Variants in STAU1 observed in about 807,000 individuals in gnomAD.
The protein encoded by STAU1 is double-stranded RNA-binding protein Staufen homolog 1.
A neutral mutation model predicts 62.9 loss-of-function variants in STAU1; 13 were observed. That is an observed-to-expected ratio of 0.21 (90% CI 0.13 to 0.33). The LOEUF (loss-of-function observed/expected upper bound fraction) is 0.33. Among genes scored for constraint, STAU1 ranks in the 10% least tolerant of loss-of-function variants. The probability of loss-of-function intolerance (pLI) is 1.00; values close to 1 mark genes in which losing one functional copy is unlikely to be tolerated. For synonymous variants in STAU1, 269 were observed against 265.1 expected (o/e 1.01, Z -0.14); for missense variants, 571 against 712.1 (o/e 0.80, Z 2.25).
chr20:49,151,579 C>A lies in STAU1; in HGVS notation c.510+3G>T. ...GTCAGGGAGCCTGGGCTCAACTCCT[C>A]ACCTCCAGCCTCTCTGGCAGGGGCT... On this transcript the variant is annotated splice_donor_region_variant and intron_variant, in intron 5 of 13. Coordinates refer to ENST00000371856, the MANE Select transcript of STAU1 (RefSeq NM_017453.4). The A allele has an allele frequency of 1.3e-6, 2 of 1,591,472 alleles. No homozygotes were observed. The highest frequency in any genetic ancestry group is 1.8e-5 in the Admixed American group (1 of 54,770).
At chr20:49,116,526 A>G (rs556284321) in intron 12 of STAU1, among the ~76,000 whole-genome samples, 82 of 151,832 alleles carry the variant, frequency 5.4e-4, no homozygotes, top group Non-Finnish European at 1.1e-3. Context: ...TTTAGTAGAG[A>G]TGGGGTTTCA....
At chr20:49,189,460 C>T (rs1288454074), upstream of STAU1, among the ~76,000 whole-genome samples, 1 of 150,670 alleles carries the variant, frequency 6.6e-6, no homozygotes, top group Non-Finnish European at 1.5e-5. Context: ...CATGGTGAAA[C>T]CCCGTCTCTA....
chr20:49,159,559 A>G (rs2093418595), intron 3 of STAU1, among the ~76,000 whole-genome samples: 1 of 152,116 alleles, frequency 6.6e-6, no homozygotes, highest in Admixed American at 6.6e-5. Flanking sequence ...TTCTATTTTT[A>G]TTTTAATTAA....
intron 1 of STAU1, among the ~76,000 whole-genome samples, chr20:49,182,691 T>G (rs1320976619): frequency 2.0e-5 from 3 of 151,972 alleles, no homozygotes; most frequent in Non-Finnish European, 4.4e-5. Flanking sequence ...ACAAAAAAAT[T>G]AGCCAGGCAT....
intron 5 of STAU1, among the ~76,000 whole-genome samples, chr20:49,151,161 G>A (rs1026406313): frequency 3.3e-5 from 5 of 152,068 alleles, no homozygotes; most frequent in South Asian, 2.1e-4. Flanking sequence ...GGTAACTGGC[G>A]CTTCTATATA....
intron 6 of STAU1, chr20:49,134,398 T>A (rs1358324827): frequency 2.0e-6 from 1 of 498,728 alleles, no homozygotes; most frequent in African/African-American, 2.2e-5. Flanking sequence ...ACCATTGCAC[T>A]ACAGCCTGGG....
At chr20:49,184,638 T>C (rs1294577754) in intron 1 of STAU1, among the ~76,000 whole-genome samples, 1 of 152,226 alleles carries the variant, frequency 6.6e-6, no homozygotes, top group Non-Finnish European at 1.5e-5. Context: ...GAGCAACTTA[T>C]TCTCAAGAAA....
intron 9 of STAU1, among the ~76,000 whole-genome samples, chr20:49,119,565 G>C (rs1251750618): frequency 6.6e-6 from 1 of 152,154 alleles, no homozygotes; most frequent in Admixed American, 6.5e-5. Flanking sequence ...CTGTCACACT[G>C]TCTTATTTTG....
chr20:49,120,952 G>A (rs1447728883), intron 8 of STAU1, among the ~76,000 whole-genome samples: 1 of 152,012 alleles, frequency 6.6e-6, no homozygotes, highest in African/African-American at 2.4e-5. Flanking sequence ...GTGCCACCAT[G>A]CCTGGCTAAC....
chr20:49,119,529 TA>T (rs1038623015), intron 9 of STAU1, among the ~76,000 whole-genome samples: 1 of 152,176 alleles, frequency 6.6e-6, no homozygotes, highest in Non-Finnish European at 1.5e-5. Flanking sequence ...ATCCCAAACC[TA>T]AACTTTGGAT....
At chr20:49,173,791 C>T (rs2093626578) in intron 2 of STAU1, among the ~76,000 whole-genome samples, 2 of 152,152 alleles carry the variant, frequency 1.3e-5, no homozygotes, top group Non-Finnish European at 2.9e-5. Flanking sequence ...ATTCGTAACC[C>T]TATCTCACAA....
rs1309573018 is a variant in STAU1 at position 49,181,763 on chromosome 20, C to CAAAAAAAAAAAAAAAAAAA, written c.-160+6352_-160+6353insTTTTTTTTTTTTTTTTTTT. Reference sequence around the variant, plus strand: ...CCTGGGCAACAGAGCAAGACTATCTCAACAAAAAAAAAAAAAAAAAAAAAA... The same window carrying CAAAAAAAAAAAAAAAAAAA: ...CCTGGGCAACAGAGCAAGACTATCTCAAAAAAAAAAAAAAAAAAAAACAAAAAAAAAAAAAAAAAAAAAA... On this transcript the variant is annotated intron_variant, in intron 1 of 13. Transcript: ENST00000371856. Among the ~76,000 whole-genome samples the CAAAAAAAAAAAAAAAAAAA allele has an allele frequency of 6.0e-5, 4 of 66,702 alleles. 2 individuals are homozygous for CAAAAAAAAAAAAAAAAAAA. Among genetic ancestry groups the CAAAAAAAAAAAAAAAAAAA allele is most frequent in the East Asian group, 1.0e-3 (2 of 1,910 alleles). The allele number at this position is 66,702 out of a possible 152,430, so 43.8% of individuals were successfully genotyped here. A position where few individuals can be genotyped will look rare whatever the true frequency, so the allele number is the denominator to read the frequency against.
chr20:49,199,592 A>G, the STAU1 span, among the ~76,000 whole-genome samples: 1 of 147,936 alleles, frequency 6.8e-6, no homozygotes, highest in African/African-American at 2.5e-5. Flanking sequence ...TATTTTTTTG[A>G]GACAGAGTCT....
chr20:49,128,203 G>A (rs957105456), intron 6 of STAU1, among the ~76,000 whole-genome samples: 2 of 151,588 alleles, frequency 1.3e-5, no homozygotes, highest in African/African-American at 4.8e-5. Flanking sequence ...GCGTGTGCCT[G>A]TAGCCCCAGC....
At chr20:49,134,918 G>A in intron 6 of STAU1, 1 of 1,594,112 alleles carries the variant, frequency 6.3e-7, no homozygotes, top group Non-Finnish European at 8.6e-7. Context: ...ACTTTGTGAG[G>A]AAGTTTTCGA....
In STAU1 at chr20:49,115,947, G is replaced by C. The variant is rs565524465; in HGVS notation, c.1633-80C>G. ...TAATACACTGGTCAGGCAGGCAAGA[G>C]AGTTCCTGCTGCCCAGCAAACAGGT... is the stretch of plus-strand genomic sequence containing the variant. On this transcript the variant is annotated intron_variant, in intron 12 of 13. Coordinates refer to ENST00000371856, the MANE Select transcript of STAU1 (RefSeq NM_017453.4). 114 of 1,217,534 alleles carry C rather than the reference G, an allele frequency of 9.4e-5. No individual in the cohort carries two copies. The South Asian group carries it at 1.4e-3, about 15-fold the overall frequency. The allele number at this position is 1,217,534 out of a possible 1,614,324, so 75.4% of individuals were successfully genotyped here.
At chr20:49,218,961 A>G in the STAU1 span, among the ~76,000 whole-genome samples, 1 of 141,886 alleles carries the variant, frequency 7.0e-6, no homozygotes, top group Non-Finnish European at 1.5e-5. Flanking sequence ...GGTTGCAGTG[A>G]TCCATGATCT....
At chr20:49,139,996 G>A (rs1300936154) in intron 5 of STAU1, among the ~76,000 whole-genome samples, 1 of 152,000 alleles carries the variant, frequency 6.6e-6, no homozygotes, top group Non-Finnish European at 1.5e-5. Flanking sequence ...GACCAGCCTG[G>A]CCAACATGGT....
At chr20:49,126,710 TG>T (rs1293220698) in intron 6 of STAU1, among the ~76,000 whole-genome samples, 2 of 151,374 alleles carry the variant, frequency 1.3e-5, no homozygotes, top group Non-Finnish European at 2.9e-5. Context: ...AACTAGGATA[TG>T]GTTTTGTGTA....
Sources: allele counts gnomAD v4.1 joint callset (sites outside exome capture counted in the v4.1 genomes callset), GRCh38; gene constraint gnomAD v4.1.1; transcripts MANE v1.5; gene names NCBI Gene and HGNC (gene_info 2026-07-23, HGNC 2026-07-21).